Variants in TRIM24 observed in about 807,000 individuals in gnomAD.
The protein encoded by TRIM24 is transcription intermediary factor 1-alpha.
TRIM24 carries 29 observed loss-of-function variants against 123.9 expected under a neutral mutation model. The observed-to-expected ratio is 0.23, with a 90% CI of 0.17 to 0.32. The LOEUF (loss-of-function observed/expected upper bound fraction) is 0.32, where lower values mean the gene tolerates loss of function less well. Among genes scored for constraint, TRIM24 ranks in the 10% least tolerant of loss-of-function variants. The pLI, the probability that TRIM24 is intolerant of heterozygous loss-of-function variation, is 1.00. For synonymous variants in TRIM24, 456 were observed against 461.1 expected (o/e 0.99, Z 0.14); for missense variants, 932 against 1,295.3 (o/e 0.72, Z 4.31).
intron 6 of TRIM24, among the ~76,000 whole-genome samples, chr7:138,538,033 T>C (rs1796930218): frequency 6.6e-6 from 1 of 152,220 alleles, no homozygotes; most frequent in Admixed American, 6.5e-5. Flanking sequence ...CATACATACC[T>C]CCTTTAGAGA....
At chr7:138,584,380 G>A (rs898273979) in intron 18 of TRIM24, among the ~76,000 whole-genome samples, 3 of 152,138 alleles carry the variant, frequency 2.0e-5, no homozygotes, top group African/African-American at 7.2e-5. Context: ...GTCAGACTTA[G>A]AACCTTTTGC....
chr7:138,585,842 T>C lies in TRIM24; in HGVS notation c.*891T>C, dbSNP rs1798006224. 3.9e-6 allele frequency: 2 copies of C among 519,184 alleles called. No individual in the cohort carries two copies. The highest frequency in any genetic ancestry group is 2.8e-5 in the South Asian group (2 of 71,588). The allele number at this position is 519,184 out of a possible 1,614,324, so 32.2% of individuals were successfully genotyped here. A position where few individuals can be genotyped will look rare whatever the true frequency, so the allele number is the denominator to read the frequency against. Reference sequence around the variant, plus strand: ...AATATAAATACAGCAGCGTGCACTGTATTTGATGTGAGGGTTCTTCATCAT... The same window carrying C: ...AATATAAATACAGCAGCGTGCACTGCATTTGATGTGAGGGTTCTTCATCAT... On this transcript the variant is annotated 3_prime_UTR_variant, in exon 19 of 19. Coordinates refer to ENST00000343526, the MANE Select transcript of TRIM24 (RefSeq NM_015905.3).
chr7:138,463,049 T>TTTG (rs1554429464), intron 1 of TRIM24, among the ~76,000 whole-genome samples: 2 of 126,558 alleles, frequency 1.6e-5, no homozygotes, highest in African/African-American at 2.8e-5. Flanking sequence ...TTGTGTTTTT[T>TTTG]TTTTTTTTTT....
Position 138,519,185 on chromosome 7 carries a change from G to A in TRIM24, c.632-4G>A. On this transcript the variant is annotated splice_polypyrimidine_tract_variant and splice_region_variant and intron_variant, in intron 3 of 18. Transcript: ENST00000343526. ...CTTCTCTTTGTCTCCCATTGTTTCT[G>A]CAGAGGCAGTTGGTGTCACCAGCCA... 6.2e-7 allele frequency: 1 copy of A among 1,614,002 alleles called. No individual in the cohort carries two copies. The highest frequency in any genetic ancestry group is 8.5e-7 in the Non-Finnish European group (1 of 1,179,950).
chr7:138,542,545 A>G (rs1365283115), intron 7 of TRIM24, among the ~76,000 whole-genome samples: 1 of 152,232 alleles, frequency 6.6e-6, no homozygotes, highest in Non-Finnish European at 1.5e-5. Context: ...GAGACACGTG[A>G]GCATGTGCTT....
Position 138,460,542 on chromosome 7 carries a change from C to T in TRIM24, c.-7C>T. 7.7e-7 allele frequency: 1 copy of T among 1,295,610 alleles called. No homozygotes were observed. Among genetic ancestry groups the T allele is most frequent in the Non-Finnish European group, 9.7e-7 (1 of 1,030,744 alleles). 80.3% of individuals were successfully genotyped at this position (1,295,610 alleles called of 1,614,324 possible). The stretch of plus-strand genomic sequence containing the variant: ...CTCGCTTCCCCGGCGGCGGCAAGGG[C>T]AGGACAATGGAGGTGGCGGTGGAGA... On this transcript the variant is annotated 5_prime_UTR_variant, in exon 1 of 19. Coordinates refer to ENST00000343526, the MANE Select transcript of TRIM24 (RefSeq NM_015905.3).
intron 6 of TRIM24, among the ~76,000 whole-genome samples, chr7:138,533,663 G>A (rs1796797762): frequency 6.6e-6 from 1 of 152,150 alleles, no homozygotes; most frequent in Non-Finnish European, 1.5e-5. Flanking sequence ...CAGGGATATT[G>A]GTCTAAAATT....
chr7:138,572,093 T>G (rs536251689), intron 11 of TRIM24, among the ~76,000 whole-genome samples: 1 of 152,212 alleles, frequency 6.6e-6, no homozygotes, highest in Admixed American at 6.5e-5. Context: ...TTATTTTCAT[T>G]ATTTGTTTTT....
intron 7 of TRIM24, among the ~76,000 whole-genome samples, chr7:138,549,645 C>T (rs902959164): frequency 1.3e-5 from 2 of 152,028 alleles, no homozygotes; most frequent in Admixed American, 6.6e-5. Flanking sequence ...GAATAGGAGA[C>T]GGTAAACCTA....
At chr7:138,562,353 T>A (rs868387187) in intron 9 of TRIM24, among the ~76,000 whole-genome samples, 4 of 152,288 alleles carry the variant, frequency 2.6e-5, no homozygotes, top group South Asian at 2.1e-4. Context: ...CTTTCAGGTC[T>A]AGGCAAGTAA....
At chr7:138,576,582 A>G in intron 13 of TRIM24, 137 bp downstream of exon 13, 2 of 596,054 alleles carry the variant, frequency 3.4e-6, no homozygotes, top group Non-Finnish European at 5.5e-6. Flanking sequence ...AATAACTACT[A>G]TATATTTTAA....
intron 6 of TRIM24, among the ~76,000 whole-genome samples, chr7:138,531,773 G>T (rs1358643425): frequency 3.9e-5 from 6 of 152,232 alleles, no homozygotes. Context: ...TCTAGTTCTA[G>T]ATCCTTGAGG....
rs542581759 is a variant in TRIM24 at position 138,570,947 on chromosome 7, A to G, written c.1822A>G (p.Met608Val). 23 of 1,614,048 alleles carry G rather than the reference A, an allele frequency of 1.4e-5. No homozygotes were observed. Among genetic ancestry groups the G allele is most frequent in the Admixed American group, 8.3e-5 (5 of 60,004 alleles). The change falls in exon 11 of 19, where the codon ATG becomes GTG. Residue 608 changes from methionine (M) to valine (V), a missense_variant. Coordinates refer to ENST00000343526, the MANE Select transcript of TRIM24 (RefSeq NM_015905.3). ...GYDGKAFGSP[M>V]IDLSSPVGGS... ...TGATGGAAAGGCTTTTGGTTCACCT[A>G]TGATCGATTTGAGCTCACCAGTGGG...
intron 9 of TRIM24, among the ~76,000 whole-genome samples, chr7:138,564,808 T>C (rs529615081): frequency 1.7e-4 from 26 of 152,310 alleles, no homozygotes; most frequent in African/African-American, 6.3e-4. Context: ...GTCAACTTCA[T>C]CCCGTAATCC....
Position 138,579,227 on chromosome 7 carries a change from C to T in TRIM24, c.2280C>T (p.Leu760=), listed in dbSNP as rs1245944111. The change falls in exon 15 of 19, where the codon CTC becomes CTT. Residue 760 remains leucine, a synonymous_variant. Coordinates refer to ENST00000343526, the MANE Select transcript of TRIM24 (RefSeq NM_015905.3). ...PQNANYPRSI[L]TSLLLNSSQS... ...AGGCCAATTATCCAAGAAGCATACT[C>T]ACCTCCCTGCTCTTAAATAGCAGTC... 1.3e-6 allele frequency: 2 copies of T among 1,593,468 alleles called. No homozygotes were observed. Among genetic ancestry groups the T allele is most frequent in the African/African-American group, 1.3e-5 (1 of 74,162 alleles).
At chr7:138,583,243 T>C (rs1797939119) in intron 17 of TRIM24, among the ~76,000 whole-genome samples, 1 of 152,222 alleles carries the variant, frequency 6.6e-6, no homozygotes, top group Non-Finnish European at 1.5e-5. Flanking sequence ...ATGATATTCT[T>C]CCTAGTAATT....
In TRIM24 at chr7:138,505,509, GGTTGTTGTT is replaced by G. The variant is rs59585473; in HGVS notation, c.483+1139_483+1147del. On this transcript the variant is annotated intron_variant, in intron 2 of 18. Coordinates refer to ENST00000343526, the MANE Select transcript of TRIM24 (RefSeq NM_015905.3). ...GCTTCATTTGTTTTTTGGGGGTGGT[GGTTGTTGTT>G]GTTGTTGTTGTTGTTGTTGTTGTTG... Among the ~76,000 whole-genome samples the G allele has an allele frequency of 7.6e-3, 1,090 of 143,924 alleles. 7 individuals carry two copies. Among genetic ancestry groups the G allele is most frequent in the Non-Finnish European group, 0.012 (785 of 66,176 alleles). 94.4% of individuals were successfully genotyped at this position (143,924 alleles called of 152,430 possible).
chr7:138,578,227 C>CA (rs1015870729), intron 14 of TRIM24, among the ~76,000 whole-genome samples: 2 of 151,868 alleles, frequency 1.3e-5, no homozygotes, highest in African/African-American at 4.8e-5. Flanking sequence ...AAAAGTTGTA[C>CA]AAAAAATGTC....
chr7:138,563,434 G>A lies in TRIM24; in HGVS notation c.1531-4047G>A, dbSNP rs570651848. The stretch of plus-strand genomic sequence containing the variant: ...TTTGGCCCCATCTCCGTCTGTGCCC[G>A]TGTCCACATCCGCACCCTCTTGCAA... On this transcript the variant is annotated intron_variant, in intron 9 of 18. Transcript: ENST00000343526. 3.7e-4 allele frequency among the ~76,000 whole-genome samples: 57 copies of A among 152,244 alleles called. 1 individual carries two copies. The highest frequency in any genetic ancestry group is 1.2e-3 in the East Asian group (6 of 5,174).
Sources: allele counts gnomAD v4.1 joint callset (sites outside exome capture counted in the v4.1 genomes callset), GRCh38; gene constraint gnomAD v4.1.1; transcripts MANE v1.5; gene names NCBI Gene and HGNC (gene_info 2026-07-23, HGNC 2026-07-21).